The following CRAMP1 variants were observed in gnomAD, a reference collection of about 807,000 sequenced individuals.
The protein encoded by CRAMP1 is cramped chromatin regulator 1, also known as protein cramped-like.
CRAMP1 carries 50 observed loss-of-function variants against 115.4 expected under a neutral mutation model. That is an observed-to-expected ratio of 0.43 (90% CI 0.35 to 0.55). CRAMP1 has a LOEUF of 0.55. CRAMP1 is among the 20% of genes least tolerant of loss of function. CRAMP1 has a pLI of 0.01. For missense variants in CRAMP1, 1,679 were observed against 1,721.7 expected, an observed-to-expected ratio of 0.98 and a Z score of 0.44; for synonymous variants, 866 against 745.4, an observed-to-expected ratio of 1.16 and a Z score of -2.64.
At position 1,664,954 on chromosome 16, in the gene CRAMP1, G is replaced by C. The variant is rs112575320; in HGVS notation, c.2671-103G>C. ...TCGGCTCTGGAAAAAGCCCCACCTG[G>C]CTATGCTGGGCACCCTCTTACTTGG... On this transcript the variant is annotated intron_variant, in intron 13 of 20. Coordinates refer to ENST00000397412, the MANE Select transcript of CRAMP1 (RefSeq NM_020825.4). 5,375 of 791,756 alleles carry C rather than the reference G, an allele frequency of 6.8e-3. 227 individuals are homozygous for C. In the African/African-American group the frequency reaches 0.079, roughly 12 times the overall value. 49.0% of individuals were successfully genotyped at this position (791,756 alleles called of 1,614,324 possible). A position where few individuals can be genotyped will look rare whatever the true frequency, so the allele number is the denominator to read the frequency against.
intron 2 of CRAMP1, among the ~76,000 whole-genome samples, chr16:1,616,335 C>A (rs998892822): frequency 6.6e-6 from 1 of 152,290 alleles, no homozygotes; most frequent in African/African-American, 2.4e-5. Flanking sequence ...CGGCATTCGT[C>A]CCCCATGTCC....
intron 3 of CRAMP1, among the ~76,000 whole-genome samples, chr16:1,631,373 CTGCCAG>C (rs2036547275): frequency 6.6e-6 from 1 of 152,270 alleles, no homozygotes; most frequent in South Asian, 2.1e-4. Context: ...TCCCCATCGC[CTGCCAG>C]TGTATTCTCG....
chr16:1,629,071 CTG>C (rs2036528513), intron 3 of CRAMP1, among the ~76,000 whole-genome samples: 3 of 152,234 alleles, frequency 2.0e-5, no homozygotes, highest in Admixed American at 1.3e-4. Flanking sequence ...AGACCCAGCC[CTG>C]ACTTCATTTC....
In CRAMP1 at chr16:1,657,367, G is replaced by A. The variant is rs946113935; in HGVS notation, c.2235+375G>A. 3.9e-5 allele frequency among the ~76,000 whole-genome samples: 6 copies of A among 152,214 alleles called. 1 individual carries two copies. The highest frequency in any genetic ancestry group is 4.1e-4 in the South Asian group (2 of 4,830). On this transcript the variant is annotated intron_variant, in intron 10 of 20. Transcript: ENST00000397412. The stretch of plus-strand genomic sequence containing the variant: ...CAGGCAGTACCTTGTGAGCCGCCTC[G>A]TGTTCCTGGGAGTCTGCCAAGCCCA...
intron 3 of CRAMP1, among the ~76,000 whole-genome samples, chr16:1,626,739 G>C (rs908699372): frequency 6.6e-6 from 1 of 152,116 alleles, no homozygotes; most frequent in Admixed American, 6.5e-5. Flanking sequence ...ATTATTGTGA[G>C]CATACTTTTT....
chr16:1,617,083 C>A (rs1320924573), intron 2 of CRAMP1, among the ~76,000 whole-genome samples: 3 of 152,122 alleles, frequency 2.0e-5, no homozygotes, highest in African/African-American at 7.2e-5. Flanking sequence ...CTCAGCCCCC[C>A]AAAGTGCTGG....
chr16:1,618,238 C>T (rs1468821442), intron 2 of CRAMP1, among the ~76,000 whole-genome samples: 1 of 152,176 alleles, frequency 6.6e-6, no homozygotes, highest in African/African-American at 2.4e-5. Flanking sequence ...GCCAAGATTG[C>T]GCCATTGCAC....
At chr16:1,654,258 T>A (rs554742967) in intron 8 of CRAMP1, among the ~76,000 whole-genome samples, 21 of 151,438 alleles carry the variant, frequency 1.4e-4, no homozygotes, top group East Asian at 3.9e-4. Flanking sequence ...TGGCTCAGGC[T>A]GGAGTGCAAA....
chr16:1,625,266 A>G (rs2036499256), intron 2 of CRAMP1, among the ~76,000 whole-genome samples: 3 of 151,918 alleles, frequency 2.0e-5, no homozygotes, highest in African/African-American at 7.3e-5. Context: ...GAGCCTGGCC[A>G]GGGTTCTCGG....
Position 1,667,363 on chromosome 16 carries a change from C to T in CRAMP1, c.3065C>T (p.Ser1022Leu), listed in dbSNP as rs768738069. The T allele has an allele frequency of 5.6e-6, 9 of 1,613,088 alleles. No individual in the cohort carries two copies. Among genetic ancestry groups the T allele is most frequent in the East Asian group, 2.2e-5 (1 of 44,886 alleles). Residue 1022 changes from serine to leucine, a missense_variant, in exon 17 of 21, where the codon TCG (serine) becomes TTG (leucine). Around this residue, in one of 8 missense-constraint regions of CRAMP1, gnomAD observed 709 missense variants for 741.9 expected, o/e 0.96. Coordinates refer to ENST00000397412, the MANE Select transcript of CRAMP1 (RefSeq NM_020825.4). ...GGSDPFVSIP[S>L]RPEQEPVADS... is the part of the protein sequence containing the mutation. ...TCCGACCCATTTGTCAGCATCCCTTCGAGGCCTGAGCAGGAGCCAGTGGCA... is the reference window on the plus strand; with the variant it reads ...TCCGACCCATTTGTCAGCATCCCTTTGAGGCCTGAGCAGGAGCCAGTGGCA...
rs546210540 is a variant in CRAMP1 at position 1,648,384 on chromosome 16, G to A, written c.828-4112G>A. 3.9e-5 allele frequency among the ~76,000 whole-genome samples: 6 copies of A among 152,082 alleles called. No homozygotes were observed. In the South Asian group the frequency reaches 8.3e-4, roughly 21 times the overall value. ...AGCACTTTGGGAGGCCGCGGCTGGC[G>A]AATCATTTGAGGTTAGGAGTTCCAG... is the stretch of plus-strand genomic sequence containing the variant. On this transcript the variant is annotated intron_variant, in intron 6 of 20. Coordinates refer to ENST00000397412, the MANE Select transcript of CRAMP1 (RefSeq NM_020825.4).
At chr16:1,635,511 C>G (rs1308241768) in intron 4 of CRAMP1, among the ~76,000 whole-genome samples, 1 of 152,176 alleles carries the variant, frequency 6.6e-6, no homozygotes, top group Non-Finnish European at 1.5e-5. Flanking sequence ...GCCGTGGGGC[C>G]AGGCGGGGCA....
At chr16:1,612,913 C>T (rs1431795938) in intron 1 of CRAMP1, among the ~76,000 whole-genome samples, 1 of 152,096 alleles carries the variant, frequency 6.6e-6, no homozygotes, top group African/African-American at 2.4e-5. Context: ...GGCCATCCCC[C>T]TGCTTGTTGG....
At chr16:1,624,332 T>C (rs1046817115) in intron 2 of CRAMP1, among the ~76,000 whole-genome samples, 1 of 151,990 alleles carries the variant, frequency 6.6e-6, no homozygotes, top group East Asian at 1.9e-4. Context: ...TCTGGGTCGA[T>C]GAAGAAGCAG....
At chr16:1,646,340 C>T (rs2036674100) in intron 6 of CRAMP1, among the ~76,000 whole-genome samples, 1 of 152,128 alleles carries the variant, frequency 6.6e-6, no homozygotes, top group Non-Finnish European at 1.5e-5. Context: ...AAGAGAGTTG[C>T]AGTTGCTTCC....
At chr16:1,626,749 T>A (rs569776878) in intron 3 of CRAMP1, among the ~76,000 whole-genome samples, 55 of 152,396 alleles carry the variant, frequency 3.6e-4, no homozygotes, top group African/African-American at 1.3e-3. Context: ...GCATACTTTT[T>A]AATTAACATT....
intron 11 of CRAMP1, 57 bp downstream of exon 11, chr16:1,660,120 C>A (rs1243177058): frequency 2.1e-6 from 3 of 1,402,130 alleles, no homozygotes; most frequent in Admixed American, 5.7e-5. Flanking sequence ...GCACCTCAGG[C>A]TTCAGGGGCC....
At chr16:1,613,780 C>T (rs2036387459) in intron 1 of CRAMP1, among the ~76,000 whole-genome samples, 1 of 152,190 alleles carries the variant, frequency 6.6e-6, no homozygotes, top group African/African-American at 2.4e-5. Context: ...CATAACTGGG[C>T]TGTCACTTTC....
rs1596496830 is a variant in CRAMP1 at position 1,662,752 on chromosome 16, C to G, written c.2596-9C>G. The G allele has an allele frequency of 6.2e-7, 1 of 1,613,880 alleles. No individual in the cohort carries two copies. The highest frequency in any genetic ancestry group is 1.1e-5 in the South Asian group (1 of 91,080). On this transcript the variant is annotated splice_polypyrimidine_tract_variant and intron_variant, in intron 12 of 20. Coordinates refer to ENST00000397412, the MANE Select transcript of CRAMP1 (RefSeq NM_020825.4). ...GCACCTTCAGGTGCCGGACGCTGCT[C>G]CCTTACAGATGCAGTCGGATTTCTT...
Sources: gnomAD v4.1 joint callset for allele counts (sites outside exome capture counted in the v4.1 genomes callset) on GRCh38, gnomAD v4.1.1 for gene constraint, gnomAD v4.1.1 regional missense constraint, MANE v1.5 for transcripts, NCBI Gene and HGNC (gene_info 2026-07-23, HGNC 2026-07-21) for gene names.